Variants in PPP2R5E observed in about 807,000 individuals in gnomAD.
PPP2R5E encodes the protein serine/threonine-protein phosphatase 2A 56 kDa regulatory subunit epsilon isoform.
Under a neutral mutation model 65.3 loss-of-function variants are expected in PPP2R5E, and 4 were observed. That is an observed-to-expected ratio of 0.06 (90% CI 0.03 to 0.14). PPP2R5E has a LOEUF of 0.14. Among genes scored for constraint, PPP2R5E ranks in the 10% least tolerant of loss-of-function variants. The pLI is 1.00. For synonymous variants in PPP2R5E, 183 were observed against 187.4 expected (o/e 0.98, Z 0.19); for missense variants, 274 against 556.1 (o/e 0.49, Z 5.10).
chr14:63,503,680 TTTAA>T (rs2139675838), intron 2 of PPP2R5E, among the ~76,000 whole-genome samples: 1 of 152,332 alleles, frequency 6.6e-6, no homozygotes, highest in Admixed American at 6.5e-5. Context: ...CCAAAAGCAC[TTTAA>T]TTTACTATAT....
chr14:63,418,741 G>A (rs956840047), intron 4 of PPP2R5E, among the ~76,000 whole-genome samples: 3 of 151,892 alleles, frequency 2.0e-5, no homozygotes, highest in Non-Finnish European at 4.4e-5. Context: ...ATAACATACA[G>A]AGTAGACCCC....
At chr14:63,506,283 T>C (rs2139683342) in intron 2 of PPP2R5E, among the ~76,000 whole-genome samples, 1 of 152,080 alleles carries the variant, frequency 6.6e-6, no homozygotes, top group Middle Eastern at 3.4e-3. Context: ...ACCCCGTCTC[T>C]ACTAAAAATA....
intron 11 of PPP2R5E, among the ~76,000 whole-genome samples, chr14:63,388,551 C>T (rs188091669): frequency 6.6e-6 from 1 of 152,284 alleles, no homozygotes; most frequent in Admixed American, 6.5e-5. Context: ...GCACTAAAGG[C>T]CCTGAGTGGT....
chr14:63,513,512 G>A (rs1286706880), intron 2 of PPP2R5E, among the ~76,000 whole-genome samples: 1 of 152,042 alleles, frequency 6.6e-6, no homozygotes, highest in African/African-American at 2.4e-5. Context: ...CACTAATGAA[G>A]GGATAAAAAC....
intron 2 of PPP2R5E, among the ~76,000 whole-genome samples, chr14:63,532,721 C>G (rs1166947049): frequency 1.3e-5 from 2 of 152,206 alleles, no homozygotes; most frequent in African/African-American, 2.4e-5. Flanking sequence ...ACGCATTTGT[C>G]CAAGGCAACC....
chr14:63,410,748 G>C (rs1277516116), intron 5 of PPP2R5E, among the ~76,000 whole-genome samples: 1 of 152,166 alleles, frequency 6.6e-6, no homozygotes, highest in Non-Finnish European at 1.5e-5. Flanking sequence ...CAGGTGCCCA[G>C]GGCTTATTCC....
intron 5 of PPP2R5E, among the ~76,000 whole-genome samples, chr14:63,409,501 T>C (rs931284634): frequency 6.6e-6 from 1 of 152,188 alleles, no homozygotes. Flanking sequence ...TGTGAAAAGA[T>C]GAATTAATAT....
At chr14:63,479,749 G>C (rs1890598677) in intron 2 of PPP2R5E, among the ~76,000 whole-genome samples, 1 of 152,164 alleles carries the variant, frequency 6.6e-6, no homozygotes, top group Non-Finnish European at 1.5e-5. Flanking sequence ...ATCCCAGTTA[G>C]TGAAATGAAA....
intron 4 of PPP2R5E, among the ~76,000 whole-genome samples, chr14:63,418,034 T>C (rs752374751): frequency 8.5e-5 from 13 of 152,212 alleles, no homozygotes; most frequent in Non-Finnish European, 1.6e-4. Context: ...TACTTCCTTA[T>C]AAAACTATGT....
At chr14:63,476,494 A>G (rs900506613) in intron 2 of PPP2R5E, among the ~76,000 whole-genome samples, 2 of 152,182 alleles carry the variant, frequency 1.3e-5, no homozygotes, top group Non-Finnish European at 2.9e-5. Flanking sequence ...TCCTTCCGCT[A>G]AAGTTTATAT....
intron 12 of PPP2R5E, among the ~76,000 whole-genome samples, chr14:63,383,466 G>T (rs1224462696): frequency 6.6e-6 from 1 of 152,158 alleles, no homozygotes; most frequent in African/African-American, 2.4e-5. Context: ...ACCAAATGTA[G>T]TATACTGAGT....
At chr14:63,423,959 A>T (rs1887182618) in intron 3 of PPP2R5E, among the ~76,000 whole-genome samples, 1 of 152,160 alleles carries the variant, frequency 6.6e-6, no homozygotes, top group Non-Finnish European at 1.5e-5. Context: ...CCATTAGTGG[A>T]TCTTAAAACA....
intron 2 of PPP2R5E, among the ~76,000 whole-genome samples, chr14:63,505,446 G>A (rs1892113741): frequency 6.6e-6 from 1 of 152,102 alleles, no homozygotes; most frequent in African/African-American, 2.4e-5. Flanking sequence ...TGGTCATTAC[G>A]ATACATTAAT....
chr14:63,440,735 G>A (rs187203798), intron 3 of PPP2R5E, among the ~76,000 whole-genome samples: 45 of 146,548 alleles, frequency 3.1e-4, no homozygotes, highest in Admixed American at 1.4e-3. Flanking sequence ...TCAGGGAATC[G>A]AGACCATCCT....
chr14:63,510,701 G>C (rs1348068851), intron 2 of PPP2R5E, among the ~76,000 whole-genome samples: 1 of 152,166 alleles, frequency 6.6e-6, no homozygotes, highest in Non-Finnish European at 1.5e-5. Flanking sequence ...GTTAAGATGA[G>C]GTCAAAGAAA....
intron 2 of PPP2R5E, among the ~76,000 whole-genome samples, chr14:63,527,708 G>A (rs2139747154): frequency 6.6e-6 from 1 of 152,216 alleles, no homozygotes; most frequent in South Asian, 2.1e-4. Flanking sequence ...GGCCAAGGCG[G>A]GCGAATCACA....
intron 2 of PPP2R5E, among the ~76,000 whole-genome samples, chr14:63,459,669 ATGGTGGTGG>A (rs1566718114): frequency 6.6e-6 from 1 of 152,110 alleles, no homozygotes; most frequent in African/African-American, 2.4e-5. Flanking sequence ...GATGGTGGTG[ATGGTGGTGG>A]TGGTGGTGAT....
intron 5 of PPP2R5E, among the ~76,000 whole-genome samples, chr14:63,402,484 A>C (rs2095692029): frequency 6.6e-6 from 1 of 152,234 alleles, no homozygotes; most frequent in South Asian, 2.1e-4. Flanking sequence ...AACTCAGAGG[A>C]AACAGGCACA....
chr14:63,471,871 C>G (rs766862920), intron 2 of PPP2R5E, among the ~76,000 whole-genome samples: 22 of 152,246 alleles, frequency 1.4e-4, no homozygotes, highest in Non-Finnish European at 3.1e-4. Context: ...TCTTCCTAAT[C>G]TTCCTAACAG....
Sources: gnomAD v4.1 joint callset for allele counts (sites outside exome capture counted in the v4.1 genomes callset) on GRCh38, gnomAD v4.1.1 for gene constraint, MANE v1.5 for transcripts, NCBI Gene and HGNC (gene_info 2026-07-23, HGNC 2026-07-21) for gene names.